The following CCDC77 variants were observed in gnomAD, a reference collection of about 807,000 sequenced individuals.
CCDC77 encodes coiled-coil domain-containing protein 77.
A neutral mutation model predicts 66.8 loss-of-function variants in CCDC77; 56 were observed. The observed-to-expected ratio is 0.84, with a 90% CI of 0.68 to 1.05. The LOEUF (loss-of-function observed/expected upper bound fraction) is 1.05. CCDC77 is among the 50% of genes least tolerant of loss of function. The pLI, the probability that CCDC77 is intolerant of heterozygous loss-of-function variation, is 0.00. For missense variants in CCDC77, 570 were observed against 576.8 expected (o/e 0.99, Z 0.12); for synonymous variants, 196 against 195.2 (o/e 1.00, Z -0.03).
chr12:415,226 G>C (rs1388971200), intron 4 of CCDC77, among the ~76,000 whole-genome samples: 1 of 149,756 alleles, frequency 6.7e-6, no homozygotes, highest in Non-Finnish European at 1.5e-5. Flanking sequence ...GGACTTGTAT[G>C]CTCTCCCTTT....
intron 1 of CCDC77, among the ~76,000 whole-genome samples, chr12:404,633 C>T (rs1171615863): frequency 6.6e-6 from 1 of 151,680 alleles, no homozygotes; most frequent in South Asian, 2.1e-4. Flanking sequence ...GACAACTTTT[C>T]GTAGACATGT....
chr12:425,328 A>G (rs1252218197), intron 5 of CCDC77, among the ~76,000 whole-genome samples: 1 of 131,722 alleles, frequency 7.6e-6, no homozygotes, highest in Admixed American at 7.1e-5. Context: ...TGTCATTCTC[A>G]GCTGTAGACA....
At position 410,840 on chromosome 12, in the gene CCDC77, C is replaced by G. The variant is rs535091457; in HGVS notation, c.39-907C>G. ...GGATTACAGGCATGAGCCACTGCAC[C>G]CGGCCTGCAATATGTCTTATGGTAC... is the stretch of plus-strand genomic sequence containing the variant. On this transcript the variant is annotated intron_variant, in intron 3 of 12. Transcript: ENST00000239830. Among the ~76,000 whole-genome samples, 6 of 152,314 alleles carry G rather than the reference C, an allele frequency of 3.9e-5. 1 individual carries two copies. The highest frequency in any genetic ancestry group is 2.1e-4 in the South Asian group (1 of 4,832).
At chr12:400,011 C>T (rs146067701), upstream of CCDC77, among the ~76,000 whole-genome samples, 1,320 of 152,338 alleles carry the variant, frequency 8.7e-3, 3 homozygotes, top group Non-Finnish European at 0.015. Context: ...GTTTAGCCAC[C>T]TTAATCAATT....
At chr12:407,274 CAAAG>C (rs1319172629) in intron 2 of CCDC77, among the ~76,000 whole-genome samples, 1 of 152,120 alleles carries the variant, frequency 6.6e-6, no homozygotes, top group Non-Finnish European at 1.5e-5. Context: ...GCATGTAAGA[CAAAG>C]AGAGGAGTAA....
intron 1 of CCDC77, among the ~76,000 whole-genome samples, chr12:403,291 T>TAAC (rs1944930510): frequency 6.6e-6 from 1 of 152,168 alleles, no homozygotes; most frequent in Non-Finnish European, 1.5e-5. Context: ...ATAATAATAA[T>TAAC]AGTCCACATT....
chr12:397,537 T>A (rs939167745), upstream of CCDC77, among the ~76,000 whole-genome samples: 1 of 152,164 alleles, frequency 6.6e-6, no homozygotes, highest in African/African-American at 2.4e-5. Context: ...TGCTCGAAAT[T>A]TTCGGTTTCC....
At chr12:414,865 G>A (rs79826187) in intron 4 of CCDC77, among the ~76,000 whole-genome samples, 1,841 of 152,180 alleles carry the variant, frequency 0.012, 20 homozygotes, top group East Asian at 0.053. Flanking sequence ...AAACTGTGAC[G>A]GTGTCCTCCT....
chr12:438,362 TGAGAG>T lies in CCDC77; in HGVS notation c.850_854del (p.Glu284HisfsTer10). 1 of 1,613,532 alleles carries T rather than the reference TGAGAG, an allele frequency of 6.2e-7. No homozygotes were observed. Among genetic ancestry groups the T allele is most frequent in the Non-Finnish European group, 8.5e-7 (1 of 1,179,530 alleles). On this transcript the variant is annotated frameshift_variant, in exon 10 of 13. Coordinates refer to ENST00000239830, the MANE Select transcript of CCDC77 (RefSeq NM_032358.4). LOFTEE classifies it high-confidence loss of function. ...TTCACCACACCCAAGAACTGCTCTA[TGAGAG>T]CACCAAAGATTTTCTGCAACTCAGA...
intron 9 of CCDC77, among the ~76,000 whole-genome samples, chr12:436,528 A>G (rs1259495884): frequency 6.6e-6 from 1 of 152,000 alleles, no homozygotes; most frequent in Non-Finnish European, 1.5e-5. Context: ...CCGGTCTGCT[A>G]TGTTTCTTTT....
chr12:429,585 A>G (rs923902743), intron 6 of CCDC77, among the ~76,000 whole-genome samples: 1 of 151,794 alleles, frequency 6.6e-6, no homozygotes, highest in African/African-American at 2.4e-5. Flanking sequence ...CAGCCTCCCA[A>G]GCAGCTGGGA....
At chr12:413,128 C>T (rs773025443) in intron 4 of CCDC77, among the ~76,000 whole-genome samples, 4 of 150,888 alleles carry the variant, frequency 2.7e-5, no homozygotes, top group South Asian at 2.1e-4. Context: ...TTAGTAGAGA[C>T]GGGGTTTCAC....
At chr12:423,945 T>G (rs994263456) in intron 5 of CCDC77, among the ~76,000 whole-genome samples, 1 of 152,138 alleles carries the variant, frequency 6.6e-6, no homozygotes, top group Non-Finnish European at 1.5e-5. Context: ...ATTTTGCCCA[T>G]TTTAATAATT....
At chr12:435,454 A>C (rs564588762) in intron 9 of CCDC77, among the ~76,000 whole-genome samples, 2 of 152,342 alleles carry the variant, frequency 1.3e-5, no homozygotes, top group South Asian at 4.1e-4. Context: ...CTTATTCCTT[A>C]ATTCCAAACC....
chr12:419,162 C>G (rs547921315), intron 5 of CCDC77, among the ~76,000 whole-genome samples: 1 of 152,170 alleles, frequency 6.6e-6, no homozygotes, highest in Non-Finnish European at 1.5e-5. Flanking sequence ...AGAATATGAA[C>G]GGATACTGTG....
chr12:398,514 A>G (rs1044936866), upstream of CCDC77, among the ~76,000 whole-genome samples: 1 of 151,122 alleles, frequency 6.6e-6, no homozygotes, highest in Non-Finnish European at 1.5e-5. Context: ...ATCTGGGCTC[A>G]CTGCAACCTC....
chr12:396,225 C>T (rs1039088977), intron 1 of CCDC77, among the ~76,000 whole-genome samples: 4 of 152,210 alleles, frequency 2.6e-5, no homozygotes, highest in African/African-American at 9.6e-5. Flanking sequence ...AACCCCATCT[C>T]TACTAAAAAT....
intron 5 of CCDC77, among the ~76,000 whole-genome samples, chr12:428,349 A>G (rs1444713562): frequency 6.6e-6 from 1 of 151,936 alleles, no homozygotes; most frequent in Non-Finnish European, 1.5e-5. Flanking sequence ...TGTCTCTACT[A>G]AAAATACAAA....
intron 1 of CCDC77, chr12:390,239 TACTG>T (rs1054002969): frequency 2.0e-5 from 3 of 152,152 alleles, no homozygotes; most frequent in Non-Finnish European, 2.9e-5. Flanking sequence ...TAAATACTCT[TACTG>T]ACAACAGCTG....
Sources: gnomAD v4.1 joint callset for allele counts (sites outside exome capture counted in the v4.1 genomes callset) on GRCh38, gnomAD v4.1.1 for gene constraint, MANE v1.5 for transcripts, NCBI Gene and HGNC (gene_info 2026-07-23, HGNC 2026-07-21) for gene names.